Variants in CAST observed in about 807,000 individuals in gnomAD.
CAST encodes MIR583 host.
A neutral mutation model predicts 119.6 loss-of-function variants in CAST; 76 were observed. That is an observed-to-expected ratio of 0.64 (90% CI 0.53 to 0.77). The LOEUF is 0.77. CAST is among the 30% of genes least tolerant of loss of function. The probability of loss-of-function intolerance (pLI) is 0.00; values close to 1 mark genes in which losing one functional copy is unlikely to be tolerated. For missense variants in CAST, 953 were observed against 946.5 expected, an observed-to-expected ratio of 1.01 and a Z score of -0.09; for synonymous variants, 319 against 331.6, an observed-to-expected ratio of 0.96 and a Z score of 0.41.
At chr5:96,442,613 A>G in the CAST span, among the ~76,000 whole-genome samples, 3 of 152,240 alleles carry the variant, frequency 2.0e-5, no homozygotes, top group African/African-American at 4.8e-5. Context: ...ACTATGCATA[A>G]TACTTACGTG....
At chr5:96,217,559 T>A in the CAST span, among the ~76,000 whole-genome samples, 2 of 152,168 alleles carry the variant, frequency 1.3e-5, no homozygotes, top group African/African-American at 2.4e-5. Flanking sequence ...AGGCAAATTA[T>A]GTGTTCCTGT....
the CAST span, among the ~76,000 whole-genome samples, chr5:96,466,613 T>C: frequency 1.3e-5 from 2 of 152,048 alleles, no homozygotes; most frequent in African/African-American, 4.8e-5. Context: ...CTAAGATAGC[T>C]TACCATAGAT....
At chr5:96,211,963 A>T in the CAST span, among the ~76,000 whole-genome samples, 1 of 152,096 alleles carries the variant, frequency 6.6e-6, no homozygotes, top group African/African-American at 2.4e-5. Flanking sequence ...TATCTGCAGG[A>T]TCTGTCATGA....
chr5:96,289,910 T>C, the CAST span, among the ~76,000 whole-genome samples: 5 of 146,074 alleles, frequency 3.4e-5, no homozygotes, highest in Admixed American at 7.3e-5. Flanking sequence ...CTATATAATT[T>C]TGTTAAAAAC....
intron 1 of CAST, chr5:96,631,194 A>G (rs1747813713): frequency 7.1e-6 from 1 of 140,560 alleles, no homozygotes; most frequent in Admixed American, 7.3e-5. Context: ...AACCATCACC[A>G]CTATCTAACT....
rs1242109053 is a variant in CAST at position 96,762,325 on chromosome 5, A to AC, written c.1889dup (p.Ala631SerfsTer12). 1 of 1,608,132 alleles carries AC rather than the reference A, an allele frequency of 6.2e-7. No homozygotes were observed. Among genetic ancestry groups the AC allele is most frequent in the Admixed American group, 1.7e-5 (1 of 58,216 alleles). On this transcript the variant is annotated frameshift_variant, in exon 25 of 32. Coordinates refer to ENST00000675179, the MANE Select transcript of CAST (RefSeq NM_001750.7). LOFTEE classifies it high-confidence loss of function. ...TGCCATCTCTGAAGTGGTTTCCCAA[A>AC]CCCCAGCTTCAACGACCCAAGCTGG...
intron 1 of CAST, among the ~76,000 whole-genome samples, chr5:96,633,629 T>C (rs1336285470): frequency 6.6e-6 from 1 of 152,200 alleles, no homozygotes; most frequent in African/African-American, 2.4e-5. Context: ...TATTACAATA[T>C]TCCAAAGGCC....
At chr5:96,521,769 G>A (rs1377882533), upstream of CAST, among the ~76,000 whole-genome samples, 1 of 152,162 alleles carries the variant, frequency 6.6e-6, no homozygotes, top group East Asian at 1.9e-4. Context: ...ACCAAGTAAT[G>A]TTTGATGTAA....
upstream of CAST, among the ~76,000 whole-genome samples, chr5:96,526,622 C>A (rs932952406): frequency 6.6e-6 from 1 of 152,154 alleles, no homozygotes; most frequent in Non-Finnish European, 1.5e-5. Flanking sequence ...TTGGGGGTAA[C>A]ATGTTCTGAA....
rs140665192 is a variant in CAST, at chr5:96,588,196, C to CTTTTTTTTTTTTT, written c.60+58328_60+58340dup. Among the ~76,000 whole-genome samples, 206 of 75,846 alleles carry CTTTTTTTTTTTTT rather than the reference C, an allele frequency of 2.7e-3. 17 individuals are homozygous for CTTTTTTTTTTTTT. Among genetic ancestry groups the CTTTTTTTTTTTTT allele is most frequent in the African/African-American group, 6.1e-3 (97 of 16,030 alleles). 49.8% of individuals were successfully genotyped at this position (75,846 alleles called of 152,430 possible). Reference sequence around the variant, plus strand: ...TATTATTTTCTTTCTTTCTTTCTTTCTTTTTTTTTTTTTTTTTTTTTTTTG... The same window carrying CTTTTTTTTTTTTT: ...TATTATTTTCTTTCTTTCTTTCTTTCTTTTTTTTTTTTTTTTTTTTTTTTTTTTTTTTTTTTTG... On this transcript the variant is annotated intron_variant, in intron 1 of 11. Transcript: ENST00000505143.
At chr5:96,255,913 G>A in the CAST span, among the ~76,000 whole-genome samples, 2 of 152,086 alleles carry the variant, frequency 1.3e-5, no homozygotes, top group East Asian at 1.9e-4. Flanking sequence ...TGCTTTTACA[G>A]TTAAGTGTGC....
At position 96,589,703 on chromosome 5, in the gene CAST, T is replaced by C. The variant is rs985269915; in HGVS notation, c.60+59823T>C. ...TTCCTTTAATAGCATAACTTCTCTA[T>C]AGCAAGGACTAGGAGAATATAATAA... On this transcript the variant is annotated intron_variant, in intron 1 of 11. Transcript: ENST00000505143. Among the ~76,000 whole-genome samples, 21 of 152,212 alleles carry C rather than the reference T, an allele frequency of 1.4e-4. 1 individual carries two copies. The highest frequency in any genetic ancestry group is 1.1e-3 in the Admixed American group (17 of 15,280).
chr5:96,031,961 C>G, the CAST span, among the ~76,000 whole-genome samples: 9 of 152,104 alleles, frequency 5.9e-5, no homozygotes, highest in Non-Finnish European at 1.3e-4. Flanking sequence ...GGCTGAGGGA[C>G]CTGCTTCCAA....
At chr5:96,742,782 A>C in intron 16 of CAST, 26 bp downstream of exon 16, 1 of 1,530,988 alleles carries the variant, frequency 6.5e-7, no homozygotes, top group Non-Finnish European at 9.0e-7. Context: ...TTGATTTACA[A>C]AGCTTGTTAG....
chr5:96,290,992 G>A, the CAST span, among the ~76,000 whole-genome samples: 3 of 152,212 alleles, frequency 2.0e-5, no homozygotes, highest in Admixed American at 2.0e-4. Context: ...CCCTCTGGAG[G>A]AAAACAGCCA....
At chr5:96,236,391 T>C in the CAST span, among the ~76,000 whole-genome samples, 1 of 152,188 alleles carries the variant, frequency 6.6e-6, no homozygotes, top group Non-Finnish European at 1.5e-5. Context: ...AAGAGCTTGG[T>C]GCACCCTGTG....
At chr5:96,285,412 T>G in the CAST span, among the ~76,000 whole-genome samples, 2 of 152,238 alleles carry the variant, frequency 1.3e-5, no homozygotes, top group African/African-American at 4.8e-5. Flanking sequence ...GCTTGATTGA[T>G]TAACAGGATT....
At chr5:96,341,331 C>A in the CAST span, among the ~76,000 whole-genome samples, 1 of 148,434 alleles carries the variant, frequency 6.7e-6, no homozygotes, top group African/African-American at 2.5e-5. Flanking sequence ...CCCATCCCCC[C>A]ACCCTCCACC....
intron 1 of CAST, among the ~76,000 whole-genome samples, chr5:96,534,751 A>AAAG (rs1554066272): frequency 0.27 from 6,439 of 24,278 alleles, 1,332 homozygotes; most frequent in Non-Finnish European, 0.36. Flanking sequence ...GAAAGAAAGA[A>AAAG]AGAAAGAAAG....
Sources: gnomAD v4.1 joint callset for allele counts (sites outside exome capture counted in the v4.1 genomes callset) on GRCh38, gnomAD v4.1.1 for gene constraint, MANE v1.5 for transcripts, NCBI Gene and HGNC (gene_info 2026-07-23, HGNC 2026-07-21) for gene names.